ITGA1: variants seen among roughly 807,000 people sequenced by gnomAD.
ITGA1 encodes integrin alpha-1.
ITGA1 carries 85 observed loss-of-function variants against 145.9 expected under a neutral mutation model. That is an observed-to-expected ratio of 0.58 (90% CI 0.49 to 0.70). ITGA1 has a LOEUF of 0.70. Ranked by LOEUF, ITGA1 falls within the 30% of genes least tolerant of loss-of-function variation. The probability of loss-of-function intolerance (pLI) is 0.00; values close to 1 mark genes in which losing one functional copy is unlikely to be tolerated. For missense variants in ITGA1, 1,351 were observed against 1,418.7 expected (o/e 0.95, Z 0.77); for synonymous variants, 520 against 495.3 (o/e 1.05, Z -0.66).
At chr5:52,832,799 G>GTGTGTGTA (rs1749094999) in intron 1 of ITGA1, among the ~76,000 whole-genome samples, 4 of 147,518 alleles carry the variant, frequency 2.7e-5, no homozygotes, top group Admixed American at 2.0e-4. Flanking sequence ...GTGTGTGTGT[G>GTGTGTGTA]TGTGTGTGTG....
At chr5:52,814,264 A>G (rs906437446) in intron 1 of ITGA1, among the ~76,000 whole-genome samples, 4 of 152,144 alleles carry the variant, frequency 2.6e-5, no homozygotes, top group Non-Finnish European at 5.9e-5. Flanking sequence ...CTTGTTCCTT[A>G]GCCTCCCAAG....
intron 6 of ITGA1, among the ~76,000 whole-genome samples, chr5:52,866,541 A>G (rs1358795765): frequency 1.3e-5 from 2 of 152,230 alleles, no homozygotes; most frequent in Non-Finnish European, 2.9e-5. Context: ...TATTATACAA[A>G]TAAGTTAGTA....
intron 1 of ITGA1, among the ~76,000 whole-genome samples, chr5:52,830,872 C>A (rs911232492): frequency 6.6e-6 from 1 of 152,124 alleles, no homozygotes; most frequent in African/African-American, 2.4e-5. Context: ...CTAATAAGAC[C>A]ATCCTGACAC....
intron 8 of ITGA1, among the ~76,000 whole-genome samples, chr5:52,888,338 A>G (rs1371621337): frequency 2.0e-5 from 3 of 152,178 alleles, no homozygotes; most frequent in Admixed American, 6.5e-5. Context: ...GGAAGGCGGG[A>G]AAAATGCCTT....
At chr5:52,827,386 C>A (rs572637786) in intron 1 of ITGA1, among the ~76,000 whole-genome samples, 1 of 152,148 alleles carries the variant, frequency 6.6e-6, no homozygotes, top group Non-Finnish European at 1.5e-5. Flanking sequence ...AAATCAACTC[C>A]TGGTGAAGAT....
Position 52,918,891 on chromosome 5 carries a change from T to C in ITGA1, c.2148T>C (p.Tyr716=). The change falls in exon 16 of 29, where the codon TAT becomes TAC. Residue 716 remains tyrosine, a synonymous_variant. Coordinates refer to ENST00000282588, the MANE Select transcript of ITGA1 (RefSeq NM_181501.2). ...TAAAGTCTAAAGAAGACACGATTTA[T>C]GAAGCTGGTAAGCAAAATAATTATA... ...VKLKSKEDTI[Y]EADLQYRVTL... is the part of the protein sequence containing the mutation. 6.3e-7 allele frequency: 1 copy of C among 1,592,734 alleles called. No individual in the cohort carries two copies. Among genetic ancestry groups the C allele is most frequent in the Non-Finnish European group, 8.5e-7 (1 of 1,172,798 alleles).
intron 14 of ITGA1, among the ~76,000 whole-genome samples, chr5:52,914,651 G>GA (rs1348473342): frequency 2.6e-5 from 4 of 151,786 alleles, no homozygotes; most frequent in African/African-American, 7.3e-5. Flanking sequence ...GTTTAAGGAT[G>GA]AAAAATGTTT....
At chr5:52,943,171 C>T (rs1468443849) in intron 26 of ITGA1, among the ~76,000 whole-genome samples, 1 of 152,084 alleles carries the variant, frequency 6.6e-6, no homozygotes, top group African/African-American at 2.4e-5. Flanking sequence ...GGAATGGTTC[C>T]AGCTTTTGCC....
At chr5:52,876,396 T>G (rs1490730438) in intron 6 of ITGA1, among the ~76,000 whole-genome samples, 1 of 152,144 alleles carries the variant, frequency 6.6e-6, no homozygotes, top group Non-Finnish European at 1.5e-5. Context: ...TAATAAATGG[T>G]ACCCTTTTCT....
At chr5:52,800,118 T>G (rs1342384897) in intron 1 of ITGA1, 5 of 405,170 alleles carry the variant, frequency 1.2e-5, no homozygotes, top group Non-Finnish European at 2.2e-5. Flanking sequence ...CGCTGTTGCG[T>G]GCTGCCAGCG....
chr5:52,866,777 A>G (rs1433611318), intron 6 of ITGA1, among the ~76,000 whole-genome samples: 2 of 152,226 alleles, frequency 1.3e-5, no homozygotes, highest in Admixed American at 6.5e-5. Flanking sequence ...TAATTTAATT[A>G]CATTTAATTA....
At chr5:52,909,985 T>C (rs1170545190) in intron 13 of ITGA1, among the ~76,000 whole-genome samples, 177 bp from the exon 14 acceptor site, 1 of 152,182 alleles carries the variant, frequency 6.6e-6, no homozygotes, top group Non-Finnish European at 1.5e-5. Context: ...TTCTACCATC[T>C]GCTCTTTGGA....
rs1750536996 is a variant in ITGA1, at chr5:52,911,591, CTACTATATATACTATATATATAGT to C, written c.1857+1173_1857+1196del. Among the ~76,000 whole-genome samples the C allele has an allele frequency of 1.0e-4, 6 of 58,582 alleles. 1 individual carries two copies. Among genetic ancestry groups the C allele is most frequent in the Non-Finnish European group, 2.2e-4 (6 of 27,352 alleles). The allele number at this position is 58,582 out of a possible 152,430, so 38.4% of individuals were successfully genotyped here. On this transcript the variant is annotated intron_variant, in intron 14 of 28. Coordinates refer to ENST00000282588, the MANE Select transcript of ITGA1 (RefSeq NM_181501.2). Reference sequence around the variant, plus strand: ...TATATATACTATATATATAGTGTATCTACTATATATACTATATATATAGTGTATCTACTATATATACTATATATA... The same window carrying C: ...TATATATACTATATATATAGTGTATCGTATCTACTATATATACTATATATA...
intron 6 of ITGA1, chr5:52,867,042 T>A (rs1749699173): frequency 6.6e-6 from 1 of 151,712 alleles, no homozygotes; most frequent in Admixed American, 6.6e-5. Flanking sequence ...TCTGAGGACT[T>A]TACTTTGGGA....
rs1481325871 is a variant in ITGA1 at position 52,939,344 on chromosome 5, TACAACCTC to T, written c.3079-243_3079-236del. On this transcript the variant is annotated intron_variant, in intron 24 of 28. Transcript: ENST00000282588. ...TCTATTAGCATTCTTTCTTTTCCATTACAACCTCACTAGTTTCCATTACAATTCAAAAG... is the reference window on the plus strand; with the variant it reads ...TCTATTAGCATTCTTTCTTTTCCATTACTAGTTTCCATTACAATTCAAAAG... Among the ~76,000 whole-genome samples, 46 of 152,340 alleles carry T rather than the reference TACAACCTC, an allele frequency of 3.0e-4. 1 individual carries two copies. Among genetic ancestry groups the T allele is most frequent in the African/African-American group, 1.1e-3 (44 of 41,572 alleles).
chr5:52,915,355 A>G (rs1413435155), intron 14 of ITGA1, 109 bp from the exon 15 acceptor site: 3 of 1,259,298 alleles, frequency 2.4e-6, no homozygotes, highest in Non-Finnish European at 3.3e-6. Context: ...CGGATTCCCA[A>G]ATTAACAAAA....
Position 52,937,483 on chromosome 5 carries a change from T to C in ITGA1, c.3047T>C (p.Val1016Ala). Residue 1016 changes from valine (V) to alanine (A), a missense_variant, in exon 24 of 29, where the codon GTG (valine) becomes GCG (alanine). Val to Ala is a moderately conservative substitution (Grantham distance 64, BLOSUM62 0). Transcript: ENST00000282588. ...AATATGACATCAAATGGTTACCCTG[T>C]GCTGTACCCAACTGGATTGTCATCT... Reference protein sequence around the residue: ...FPNMTSNGYPVLYPTGLSSSE... With the variant: ...FPNMTSNGYPALYPTGLSSSE... The C allele has an allele frequency of 3.1e-6, 5 of 1,611,768 alleles. No individual in the cohort carries two copies. Among genetic ancestry groups the C allele is most frequent in the South Asian group, 1.1e-5 (1 of 91,022 alleles).
chr5:52,907,101 CT>C lies in ITGA1; in HGVS notation c.1455+1194del, dbSNP rs1561244211. Among the ~76,000 whole-genome samples, 7 of 152,178 alleles carry C rather than the reference CT, an allele frequency of 4.6e-5. No homozygotes were observed. The South Asian group carries it at 1.2e-3, about 27-fold the overall frequency. Reference sequence around the variant, plus strand: ...TTCCAGTAAGAGGTTATTTTTACCCCTGTCAGCGTTGCTTAGCCTTAGTGGT... The same window carrying C: ...TTCCAGTAAGAGGTTATTTTTACCCCGTCAGCGTTGCTTAGCCTTAGTGGT... On this transcript the variant is annotated intron_variant, in intron 12 of 28. Coordinates refer to ENST00000282588, the MANE Select transcript of ITGA1 (RefSeq NM_181501.2).
At chr5:52,809,365 G>A (rs554947159) in intron 1 of ITGA1, among the ~76,000 whole-genome samples, 3 of 152,284 alleles carry the variant, frequency 2.0e-5, no homozygotes, top group South Asian at 4.1e-4. Context: ...GGCTAACTCA[G>A]CCTGGCTTTA....
Sources: gnomAD v4.1 joint callset for allele counts (sites outside exome capture counted in the v4.1 genomes callset) on GRCh38, gnomAD v4.1.1 for gene constraint, MANE v1.5 for transcripts, NCBI Gene and HGNC (gene_info 2026-07-23, HGNC 2026-07-21) for gene names.